REPS1: variants seen among roughly 807,000 people sequenced by gnomAD.
REPS1 encodes the protein ralBP1-associated Eps domain-containing protein 1.
In REPS1, 39 loss-of-function variants were observed where a neutral mutation model predicts 100.9. The ratio of observed to expected loss-of-function variants is 0.39; its 90% CI spans 0.30 to 0.50. The LOEUF (loss-of-function observed/expected upper bound fraction) is 0.50, where lower values mean the gene tolerates loss of function less well. Among genes scored for constraint, REPS1 ranks in the 20% least tolerant of loss-of-function variants. REPS1 has a pLI of 0.86. For synonymous variants in REPS1, 324 were observed against 340.3 expected (o/e 0.95, Z 0.53); for missense variants, 821 against 968.5 (o/e 0.85, Z 2.02).
intron 1 of REPS1, among the ~76,000 whole-genome samples, chr6:138,968,018 A>G (rs1381753207): frequency 6.6e-6 from 1 of 152,332 alleles, no homozygotes; most frequent in Non-Finnish European, 1.5e-5. Context: ...ACCCAACCTA[A>G]GCTGAAAATA....
Position 138,947,905 on chromosome 6 carries a change from C to A in REPS1, c.162G>T (p.Glu54Asp). ...AACCAAGTCTTGTTGCACCACAAAG[C>A]TCCATGATCTATAAAATAACATAAT... ...LPNDVVLQIM[E>D]LCGATRLGYF... The change falls in exon 2 of 20, where the codon GAG becomes GAT. Residue 54 changes from glutamate to aspartate, a missense_variant. This residue lies in a region of REPS1 where 28 missense variants were observed against 65.3 expected (regional missense o/e 0.43). Coordinates refer to ENST00000450536, the MANE Select transcript of REPS1 (RefSeq NM_001286611.2). The A allele has an allele frequency of 6.3e-7, 1 of 1,590,532 alleles. No individual in the cohort carries two copies. Among genetic ancestry groups the A allele is most frequent in the Non-Finnish European group, 8.5e-7 (1 of 1,173,386 alleles).
chr6:138,976,305 A>AT lies in REPS1; in HGVS notation c.153+11224dup, dbSNP rs935385278. On this transcript the variant is annotated intron_variant, in intron 1 of 19. Coordinates refer to ENST00000450536, the MANE Select transcript of REPS1 (RefSeq NM_001286611.2). Reference sequence around the variant, plus strand: ...AAAGAAGCAATAATCACTTCATGCAATTTTTTTTTCTCCACAGGAACATGC... The same window carrying AT: ...AAAGAAGCAATAATCACTTCATGCAATTTTTTTTTTCTCCACAGGAACATGC... Among the ~76,000 whole-genome samples the AT allele has an allele frequency of 5.3e-5, 8 of 151,812 alleles. 1 individual carries two copies. The highest frequency in any genetic ancestry group is 4.2e-4 in the South Asian group (2 of 4,804).
At chr6:138,985,098 T>C (rs893056020) in intron 1 of REPS1, among the ~76,000 whole-genome samples, 1 of 152,188 alleles carries the variant, frequency 6.6e-6, no homozygotes, top group Admixed American at 6.5e-5. Context: ...TCTTTCCCAA[T>C]ATGGCCTCTT....
chr6:138,952,402 T>C (rs1455405233), intron 1 of REPS1, among the ~76,000 whole-genome samples: 1 of 149,994 alleles, frequency 6.7e-6, no homozygotes, highest in Non-Finnish European at 1.5e-5. Flanking sequence ...TTTTTTTTCT[T>C]TTTTTTTTTC....
intron 8 of REPS1, among the ~76,000 whole-genome samples, chr6:138,936,695 A>AT (rs141630876): frequency 0.087 from 13,140 of 151,014 alleles, 1,194 homozygotes; most frequent in African/African-American, 0.23. Context: ...TATTTTCATT[A>AT]TTTTTTCCTC....
intron 13 of REPS1, 48 bp from the exon 14 acceptor site, chr6:138,916,024 C>CT: frequency 7.4e-7 from 1 of 1,346,908 alleles, no homozygotes. Flanking sequence ...GATATCAGAG[C>CT]TTTTTTCTTT....
chr6:138,916,143 G>T, intron 13 of REPS1, 167 bp from the exon 14 acceptor site: 1 of 579,712 alleles, frequency 1.7e-6, no homozygotes, highest in Non-Finnish European at 3.1e-6. Flanking sequence ...TGTTTATGAT[G>T]TACCCTAAAC....
chr6:138,983,989 C>T (rs1785101269), intron 1 of REPS1, among the ~76,000 whole-genome samples: 1 of 152,098 alleles, frequency 6.6e-6, no homozygotes, highest in Admixed American at 6.6e-5. Context: ...AAGAATAATC[C>T]TTGCCCCACT....
At chr6:138,968,108 T>C (rs977410397) in intron 1 of REPS1, among the ~76,000 whole-genome samples, 1 of 152,172 alleles carries the variant, frequency 6.6e-6, no homozygotes, top group Non-Finnish European at 1.5e-5. Context: ...CCATCACAAG[T>C]TGAGGAGTGT....
At chr6:138,940,516 G>A (rs1394174437) in intron 8 of REPS1, among the ~76,000 whole-genome samples, 2 of 152,088 alleles carry the variant, frequency 1.3e-5, no homozygotes, top group Non-Finnish European at 2.9e-5. Flanking sequence ...GGAGGCCAAG[G>A]CGGGCAGATC....
chr6:138,986,857 G>A (rs1785288369), intron 1 of REPS1, among the ~76,000 whole-genome samples: 1 of 152,140 alleles, frequency 6.6e-6, no homozygotes. Flanking sequence ...ACGCACTTCT[G>A]CCTACCAGCT....
Position 138,905,571 on chromosome 6 carries a change from G to A in REPS1, c.2323-439C>T, listed in dbSNP as rs1372325687. On this transcript the variant is annotated intron_variant, in intron 19 of 19. Coordinates refer to ENST00000450536, the MANE Select transcript of REPS1 (RefSeq NM_001286611.2). ...CTCCCAAAGTGCTGGGATTACAGGCGTGAGCCACCGCGCCCGGCTGAAATG... is the reference window on the plus strand; with the variant it reads ...CTCCCAAAGTGCTGGGATTACAGGCATGAGCCACCGCGCCCGGCTGAAATG... 2.0e-5 allele frequency among the ~76,000 whole-genome samples: 3 copies of A among 148,214 alleles called. 1 individual carries two copies. The highest frequency in any genetic ancestry group is 3.4e-3 in the Middle Eastern group (1 of 290).
chr6:138,965,971 A>G (rs940150705), intron 1 of REPS1, among the ~76,000 whole-genome samples: 6 of 152,200 alleles, frequency 3.9e-5, no homozygotes, highest in Non-Finnish European at 8.8e-5. Flanking sequence ...TAAGCACTTT[A>G]TAGCTCATTT....
At chr6:138,941,212 G>A in intron 8 of REPS1, 123 bp downstream of exon 8, 1 of 1,030,332 alleles carries the variant, frequency 9.7e-7, no homozygotes, top group Non-Finnish European at 1.4e-6. Context: ...ACAAATCTAT[G>A]TACACTTGAT....
intron 1 of REPS1, among the ~76,000 whole-genome samples, chr6:138,955,928 C>T (rs1274007745): frequency 1.3e-5 from 2 of 152,072 alleles, no homozygotes; most frequent in African/African-American, 4.8e-5. Context: ...AAGTATCTGG[C>T]CCAGAAATAT....
At chr6:138,938,026 C>T (rs1314292896) in intron 8 of REPS1, among the ~76,000 whole-genome samples, 1 of 149,794 alleles carries the variant, frequency 6.7e-6, no homozygotes, top group Non-Finnish European at 1.5e-5. Flanking sequence ...TTAAAGAAGA[C>T]AAACATTCTT....
Position 138,912,923 on chromosome 6 carries a change from C to A in REPS1, c.1813G>T (p.Val605Leu). Reference sequence around the variant, plus strand: ...TGAGTTATGAGGCCATCGGCATCCACTGGGCGATGCACAGCAGGACCAGGA... The same window carrying A: ...TGAGTTATGAGGCCATCGGCATCCAATGGGCGATGCACAGCAGGACCAGGA... ...QAPGPAVHRP[V>L]DADGLITHTS... Residue 605 changes from valine (V) to leucine (L), a missense_variant, in exon 16 of 20, where the codon GTG (valine) becomes TTG (leucine). Transcript: ENST00000450536. 6.2e-7 allele frequency: 1 copy of A among 1,614,044 alleles called. No homozygotes were observed. Among genetic ancestry groups the A allele is most frequent in the Non-Finnish European group, 8.5e-7 (1 of 1,179,960 alleles).
chr6:138,987,669 G>A lies in REPS1; in HGVS notation c.14C>T (p.Thr5Met), dbSNP rs1295891182. 1.3e-6 allele frequency: 2 copies of A among 1,545,310 alleles called. No homozygotes were observed. The highest frequency in any genetic ancestry group is 8.7e-7 in the Non-Finnish European group (1 of 1,144,656). ...GTATTTCTGCTCCGCATCGCTCAGC[G>A]TTAAGCCTTCCATCTTCGCCTCCGG... MEGL[T>M]LSDAEQKYYS... Residue 5 changes from threonine (T) to methionine (M), a missense_variant, in exon 1 of 20, where the codon ACG becomes ATG. This residue lies in a region of REPS1 where 36 missense variants were observed against 36.7 expected (regional missense o/e 0.98). Coordinates refer to ENST00000450536, the MANE Select transcript of REPS1 (RefSeq NM_001286611.2).
At chr6:138,962,748 A>T (rs1783811179) in intron 1 of REPS1, among the ~76,000 whole-genome samples, 1 of 152,162 alleles carries the variant, frequency 6.6e-6, no homozygotes. Flanking sequence ...CTCTACTGTT[A>T]TTTATTGTAT....
Sources: allele counts gnomAD v4.1 joint callset (sites outside exome capture counted in the v4.1 genomes callset), GRCh38; gene constraint gnomAD v4.1.1; regional missense constraint gnomAD v4.1.1; transcripts MANE v1.5; gene names NCBI Gene and HGNC (gene_info 2026-07-23, HGNC 2026-07-21).